MACROD1: variants seen among roughly 807,000 people sequenced by gnomAD.
The protein encoded by MACROD1 is mono-ADP ribosylhydrolase 1.
Under a neutral mutation model 41.4 loss-of-function variants are expected in MACROD1, and 31 were observed. The observed-to-expected ratio is 0.75, with a 90% CI of 0.56 to 1.01. The LOEUF (loss-of-function observed/expected upper bound fraction) is 1.01. Ranked by LOEUF, MACROD1 falls within the 50% of genes least tolerant of loss-of-function variation. MACROD1 has a pLI of 0.00. For missense variants in MACROD1, 473 were observed against 460.0 expected (o/e 1.03, Z -0.26); for synonymous variants, 252 against 203.4 (o/e 1.24, Z -2.03).
Position 64,109,463 on chromosome 11 carries a change from A to T in MACROD1, c.517+41776T>A, listed in dbSNP as rs1463359188. Among the ~76,000 whole-genome samples the T allele has an allele frequency of 3.3e-5, 5 of 152,120 alleles. No homozygotes were observed. In the South Asian group the frequency reaches 1.0e-3, roughly 32 times the overall value. ...GGGCAGCAGCTCCACAAAGGGTCTA[A>T]TGCACCGTGAGCACAGCTTCTGGGG... On this transcript the variant is annotated intron_variant, in intron 3 of 10. Coordinates refer to ENST00000255681, the MANE Select transcript of MACROD1 (RefSeq NM_014067.4).
chr11:64,116,916 G>A (rs1213539402), intron 3 of MACROD1: 2 of 1,611,244 alleles, frequency 1.2e-6, no homozygotes, highest in Non-Finnish European at 1.7e-6. Context: ...CCCGCTGCAT[G>A]CCTTCAAGGG....
chr11:64,109,366 C>T (rs1429287737), intron 3 of MACROD1, among the ~76,000 whole-genome samples: 4 of 152,122 alleles, frequency 2.6e-5, no homozygotes, highest in Non-Finnish European at 4.4e-5. Flanking sequence ...GACACCCACA[C>T]TCAGCTTCCC....
At position 64,089,241 on chromosome 11, in the gene MACROD1, G is replaced by A. The variant is rs893191540; in HGVS notation, c.517+61998C>T. ...ATTGCACCGCGGAGGTGAGGGCCCCGGGCTCTGGGTGGGGGAGCAGGGCTT... is the reference window on the plus strand; with the variant it reads ...ATTGCACCGCGGAGGTGAGGGCCCCAGGCTCTGGGTGGGGGAGCAGGGCTT... On this transcript the variant is annotated intron_variant, in intron 3 of 10. Coordinates refer to ENST00000255681, the MANE Select transcript of MACROD1 (RefSeq NM_014067.4). Among the ~76,000 whole-genome samples the A allele has an allele frequency of 4.6e-5, 7 of 152,184 alleles. No individual in the cohort carries two copies. The East Asian group carries it at 7.7e-4, about 17-fold the overall frequency.
chr11:64,076,451 C>T lies in MACROD1; in HGVS notation c.518-61170G>A, dbSNP rs2845884. 1.6e-4 allele frequency among the ~76,000 whole-genome samples: 24 copies of T among 151,914 alleles called. No homozygotes were observed. In the East Asian group the frequency reaches 2.5e-3, roughly 16 times the overall value. On this transcript the variant is annotated intron_variant, in intron 3 of 10. Coordinates refer to ENST00000255681, the MANE Select transcript of MACROD1 (RefSeq NM_014067.4). ...CAACTGTACTGGATGGATGGATGGACGGATGGATGGACGGACGGACGAATG... is the reference window on the plus strand; with the variant it reads ...CAACTGTACTGGATGGATGGATGGATGGATGGATGGACGGACGGACGAATG...
intron 2 of MACROD1, among the ~76,000 whole-genome samples, chr11:64,151,967 A>G (rs1005791264): frequency 1.3e-4 from 20 of 152,224 alleles, no homozygotes; most frequent in Admixed American, 8.5e-4. Flanking sequence ...CATCTCTACT[A>G]AAAATACAAA....
chr11:64,070,878 C>A (rs1048668333), intron 3 of MACROD1, among the ~76,000 whole-genome samples: 1 of 152,066 alleles, frequency 6.6e-6, no homozygotes, highest in Non-Finnish European at 1.5e-5. Flanking sequence ...GAATGGGGCC[C>A]CCCTCTGGGA....
rs138289564 is a variant in MACROD1 at position 64,117,648 on chromosome 11, G to A, written c.517+33591C>T. On this transcript the variant is annotated intron_variant, in intron 3 of 10. Coordinates refer to ENST00000255681, the MANE Select transcript of MACROD1 (RefSeq NM_014067.4). ...CATCACGTGGAAGGCCACGCTCCCCGCCTCCTCTTTCCGGCTCAGTTGGCT... is the reference window on the plus strand; with the variant it reads ...CATCACGTGGAAGGCCACGCTCCCCACCTCCTCTTTCCGGCTCAGTTGGCT... 544 of 1,613,574 alleles carry A rather than the reference G, an allele frequency of 3.4e-4. 1 individual carries two copies. Among genetic ancestry groups the A allele is most frequent in the Non-Finnish European group, 4.4e-4 (516 of 1,180,048 alleles).
intron 3 of MACROD1, among the ~76,000 whole-genome samples, chr11:64,077,788 G>C (rs998471226): frequency 6.6e-6 from 1 of 152,244 alleles, no homozygotes. Flanking sequence ...CTGGGCCCTG[G>C]CTGGGCCTCC....
intron 3 of MACROD1, chr11:64,117,489 T>C (rs746351609): frequency 5.0e-6 from 8 of 1,611,998 alleles, no homozygotes; most frequent in Non-Finnish European, 5.9e-6. Flanking sequence ...GCCCCAGGGT[T>C]CCCTGTTTAC....
chr11:64,057,019 C>G (rs1565212534), intron 3 of MACROD1, among the ~76,000 whole-genome samples: 1 of 152,190 alleles, frequency 6.6e-6, no homozygotes, highest in East Asian at 1.9e-4. Flanking sequence ...TGTCACCCCC[C>G]TAAGCAAGCC....
intron 3 of MACROD1, among the ~76,000 whole-genome samples, chr11:64,097,948 C>G (rs764431356): frequency 2.0e-4 from 30 of 152,090 alleles, no homozygotes; most frequent in Non-Finnish European, 2.1e-4. Flanking sequence ...GAGGCGGGAA[C>G]CCACTCAGCA....
At chr11:64,123,611 C>G (rs950596286) in intron 3 of MACROD1, among the ~76,000 whole-genome samples, 1 of 152,050 alleles carries the variant, frequency 6.6e-6, no homozygotes, top group Non-Finnish European at 1.5e-5. Flanking sequence ...TCTCTGAAGA[C>G]AACACCAAAT....
At chr11:64,034,058 T>C (rs1943328959) in intron 3 of MACROD1, among the ~76,000 whole-genome samples, 1 of 152,148 alleles carries the variant, frequency 6.6e-6, no homozygotes, top group Admixed American at 6.5e-5. Context: ...GTGCCCGCGC[T>C]CTGTGCCAGC....
At chr11:64,094,845 A>G (rs1944549612) in intron 3 of MACROD1, among the ~76,000 whole-genome samples, 1 of 152,214 alleles carries the variant, frequency 6.6e-6, no homozygotes, top group South Asian at 2.1e-4. Flanking sequence ...CACTTCCCAG[A>G]GGTCACATCC....
rs778646482 is a variant in MACROD1, at chr11:64,067,766, C to A, written c.518-52485G>T. 1.3e-5 allele frequency among the ~76,000 whole-genome samples: 2 copies of A among 152,124 alleles called. No individual in the cohort carries two copies. Among genetic ancestry groups the A allele is most frequent in the Admixed American group, 6.5e-5 (1 of 15,280 alleles). On this transcript the variant is annotated intron_variant, in intron 3 of 10. Transcript: ENST00000255681. The surrounding 1 kb of genome is among the most constrained non-coding windows in gnomAD (Gnocchi z 4.6). ...CCCCCAGCTTGTGAACTGGGGGTGG[C>A]CCCAGAGCTGTTTGTTTTCCCTGAC...
At chr11:64,038,329 G>A (rs915635629) in intron 3 of MACROD1, among the ~76,000 whole-genome samples, 1 of 152,244 alleles carries the variant, frequency 6.6e-6, no homozygotes, top group African/African-American at 2.4e-5. Flanking sequence ...GCCTGCGCAG[G>A]GGTTTACAGC....
At chr11:64,030,290 G>A (rs1486117999) in intron 3 of MACROD1, among the ~76,000 whole-genome samples, 1 of 152,140 alleles carries the variant, frequency 6.6e-6, no homozygotes, top group Non-Finnish European at 1.5e-5. Flanking sequence ...ATGAATCATG[G>A]TTGGCCTTGG....
At chr11:64,005,270 C>T (rs1489925582) in intron 4 of MACROD1, among the ~76,000 whole-genome samples, 7 of 152,166 alleles carry the variant, frequency 4.6e-5, no homozygotes, top group Non-Finnish European at 8.8e-5. Context: ...CCTTGTGATC[C>T]GCCCGCCTCG....
At position 64,000,645 on chromosome 11, in the gene MACROD1, C is replaced by T. The variant is rs988571003; in HGVS notation, c.548-302G>A. Among the ~76,000 whole-genome samples, 7 of 152,214 alleles carry T rather than the reference C, an allele frequency of 4.6e-5. No individual in the cohort carries two copies. The East Asian group carries it at 1.2e-3, about 25-fold the overall frequency. ...CCGCGCCGCCAGGGCCCAGGCAGGG[C>T]GGCTCCGGGAGGCGGGGGCCGCCGG... is the stretch of plus-strand genomic sequence containing the variant. On this transcript the variant is annotated intron_variant, in intron 4 of 10. Transcript: ENST00000255681.
Sources: gnomAD v4.1 joint callset for allele counts (sites outside exome capture counted in the v4.1 genomes callset) on GRCh38, gnomAD v4.1.1 for gene constraint, Gnocchi (gnomAD v3.1) non-coding constraint, MANE v1.5 for transcripts, NCBI Gene and HGNC (gene_info 2026-07-23, HGNC 2026-07-21) for gene names.